VIT: variants seen among roughly 807,000 people sequenced by gnomAD.
VIT encodes vitrin.
VIT carries 99 observed loss-of-function variants against 78.0 expected under a neutral mutation model. That is an observed-to-expected ratio of 1.27 (90% CI 1.08 to 1.50). The LOEUF (loss-of-function observed/expected upper bound fraction) is 1.50, where lower values mean the gene tolerates loss of function less well. Among genes scored for constraint, VIT ranks in the 40% most tolerant of loss-of-function variants. The pLI is 0.00. For synonymous variants in VIT, 374 were observed against 334.3 expected, an observed-to-expected ratio of 1.12 and a Z score of -1.29; for missense variants, 1,126 against 875.3, an observed-to-expected ratio of 1.29 and a Z score of -3.61.
At chr2:36,738,686 A>G (rs1166787376) in intron 3 of VIT, among the ~76,000 whole-genome samples, 2 of 152,212 alleles carry the variant, frequency 1.3e-5, no homozygotes, top group African/African-American at 4.8e-5. Context: ...AGTAACATTC[A>G]AACAGATGAA....
intron 4 of VIT, among the ~76,000 whole-genome samples, chr2:36,751,647 T>A (rs1323636488): frequency 6.6e-6 from 1 of 152,186 alleles, no homozygotes; most frequent in Non-Finnish European, 1.5e-5. Context: ...GGCTCTATAA[T>A]TCCAGCTTTT....
At chr2:36,747,404 C>T (rs1209217477) in intron 4 of VIT, among the ~76,000 whole-genome samples, 2 of 152,156 alleles carry the variant, frequency 1.3e-5, no homozygotes, top group African/African-American at 4.8e-5. Context: ...GTTGAAGTCC[C>T]CTACTATTAT....
At chr2:36,746,617 T>C (rs961816408) in intron 4 of VIT, among the ~76,000 whole-genome samples, 1 of 152,158 alleles carries the variant, frequency 6.6e-6, no homozygotes, top group South Asian at 2.1e-4. Context: ...CTGAAGAACT[T>C]TTGTATTTCT....
At chr2:36,704,483 TAGTC>T (rs1166610375) in intron 1 of VIT, among the ~76,000 whole-genome samples, 1 of 152,118 alleles carries the variant, frequency 6.6e-6, no homozygotes, top group Non-Finnish European at 1.5e-5. Context: ...CAGGCCAAAA[TAGTC>T]AGGGGGCCCT....
chr2:36,699,634 A>G (rs1450039132), intron 1 of VIT, among the ~76,000 whole-genome samples: 4 of 148,876 alleles, frequency 2.7e-5, no homozygotes, highest in African/African-American at 7.7e-5. Flanking sequence ...AGGTAGATAG[A>G]TAGATAGATA....
chr2:36,765,646 G>C (rs545363479), intron 6 of VIT, among the ~76,000 whole-genome samples: 1 of 152,106 alleles, frequency 6.6e-6, no homozygotes, highest in Non-Finnish European at 1.5e-5. Flanking sequence ...GTCATATGAC[G>C]ACGGAGCAGA....
chr2:36,764,359 C>T (rs1170841757), intron 6 of VIT, among the ~76,000 whole-genome samples: 1 of 152,158 alleles, frequency 6.6e-6, no homozygotes, highest in African/African-American at 2.4e-5. Flanking sequence ...CCTGCATCTC[C>T]GTAAGGAGGC....
chr2:36,793,861 T>C (rs907216724), intron 12 of VIT, among the ~76,000 whole-genome samples: 1 of 152,128 alleles, frequency 6.6e-6, no homozygotes, highest in African/African-American at 2.4e-5. Flanking sequence ...ACAGAATAGG[T>C]ACTTTAGGAC....
chr2:36,793,721 A>ATAGTT (rs10635748), intron 12 of VIT, among the ~76,000 whole-genome samples: 98,195 of 151,524 alleles, frequency 0.65, 32,539 homozygotes, highest in East Asian at 0.99. Context: ...GTTTGAGAAA[A>ATAGTT]TAGAAAAGTT....
intron 3 of VIT, among the ~76,000 whole-genome samples, chr2:36,740,048 C>G (rs867739119): frequency 2.6e-5 from 4 of 152,230 alleles, no homozygotes; most frequent in Non-Finnish European, 4.4e-5. Flanking sequence ...TCTTCCCGCT[C>G]CCTTTAGACC....
At chr2:36,733,006 G>A (rs1049200050) in intron 3 of VIT, among the ~76,000 whole-genome samples, 1 of 152,188 alleles carries the variant, frequency 6.6e-6, no homozygotes, top group African/African-American at 2.4e-5. Context: ...AGGTGAATGT[G>A]TAGAGGAAAA....
At chr2:36,778,934 C>T (rs1037407586) in intron 9 of VIT, among the ~76,000 whole-genome samples, 6 of 152,278 alleles carry the variant, frequency 3.9e-5, no homozygotes, top group East Asian at 1.9e-4. Context: ...AAGGGACACT[C>T]GGGCTTCTGT....
At chr2:36,806,099 G>A (rs1462558301) in intron 14 of VIT, among the ~76,000 whole-genome samples, 2 of 152,154 alleles carry the variant, frequency 1.3e-5, no homozygotes, top group Non-Finnish European at 2.9e-5. Context: ...CTGAACCACA[G>A]CAGTGAGATC....
chr2:36,788,506 A>G (rs963441312), intron 12 of VIT, among the ~76,000 whole-genome samples: 1 of 152,208 alleles, frequency 6.6e-6, no homozygotes, highest in African/African-American at 2.4e-5. Context: ...ATGTAGTCAC[A>G]CTCAATTAGA....
At chr2:36,751,857 T>C (rs1409179615) in intron 4 of VIT, among the ~76,000 whole-genome samples, 1 of 152,150 alleles carries the variant, frequency 6.6e-6, no homozygotes, top group African/African-American at 2.4e-5. Context: ...GGAAGATAAA[T>C]AAAAGTCTTA....
chr2:36,712,016 C>A (rs10197807), intron 1 of VIT, among the ~76,000 whole-genome samples: 19,612 of 152,116 alleles, frequency 0.13, 1,925 homozygotes, highest in South Asian at 0.26. Context: ...CCGGGTGAGC[C>A]CATGAGGAAT....
In VIT at chr2:36,715,043, C is replaced by G. The variant is rs533739750; in HGVS notation, c.-18-1310C>G. On this transcript the variant is annotated intron_variant, in intron 1 of 15. Coordinates refer to ENST00000379242, the MANE Select transcript of VIT (RefSeq NM_053276.4). Reference sequence around the variant, plus strand: ...ACTTGGAGCCACTTCTCTCCTATTTCTGCATGTTCAAAGTCTGTTCATTCT... The same window carrying G: ...ACTTGGAGCCACTTCTCTCCTATTTGTGCATGTTCAAAGTCTGTTCATTCT... 9.2e-5 allele frequency among the ~76,000 whole-genome samples: 14 copies of G among 152,306 alleles called. No individual in the cohort carries two copies. The South Asian group carries it at 2.9e-3, about 32-fold the overall frequency.
intron 1 of VIT, among the ~76,000 whole-genome samples, chr2:36,705,355 A>G (rs1665349304): frequency 6.6e-6 from 1 of 152,152 alleles, no homozygotes; most frequent in Admixed American, 6.5e-5. Flanking sequence ...GCAATATAAG[A>G]TCTAAACTAC....
At chr2:36,773,690 C>A in intron 7 of VIT, 101 bp from the exon 8 acceptor site, 1 of 1,090,520 alleles carries the variant, frequency 9.2e-7, no homozygotes, top group Non-Finnish European at 1.2e-6. Flanking sequence ...CACCACTGCA[C>A]TCCAGCTCTG....
Sources: allele counts gnomAD v4.1 joint callset (sites outside exome capture counted in the v4.1 genomes callset), GRCh38; gene constraint gnomAD v4.1.1; transcripts MANE v1.5; gene names NCBI Gene and HGNC (gene_info 2026-07-23, HGNC 2026-07-21).